Variants in CTNNAL1 observed in about 807,000 individuals in gnomAD.
CTNNAL1 encodes catenin alpha like 1.
In CTNNAL1, 69 loss-of-function variants were observed where a neutral mutation model predicts 93.6. The observed-to-expected ratio is 0.74, with a 90% CI of 0.61 to 0.90. The LOEUF is 0.90. CTNNAL1 is among the 40% of genes least tolerant of loss of function. The pLI is 0.00. For missense variants in CTNNAL1, 836 were observed against 862.0 expected (o/e 0.97, Z 0.38); for synonymous variants, 286 against 305.4 (o/e 0.94, Z 0.66).
chr9:108,975,763 T>C (rs1831250024), intron 8 of CTNNAL1, among the ~76,000 whole-genome samples: 1 of 152,230 alleles, frequency 6.6e-6, no homozygotes, highest in African/African-American at 2.4e-5. Flanking sequence ...ATTGTGACTA[T>C]CCAACTCTGC....
At position 108,972,939 on chromosome 9, in the gene CTNNAL1, A is replaced by T. The variant is rs192085326; in HGVS notation, c.1189-106T>A. 7.6e-4 allele frequency: 983 copies of T among 1,299,912 alleles called. 1 individual carries two copies. Among genetic ancestry groups the T allele is most frequent in the Middle Eastern group, 2.8e-3 (10 of 3,626 alleles). 80.5% of individuals were successfully genotyped at this position (1,299,912 alleles called of 1,614,324 possible). A position where few individuals can be genotyped will look rare whatever the true frequency, so the allele number is the denominator to read the frequency against. ...TTTTGTGACCAAGCACCACATCAGC[A>T]CTTTAAAAACTATTAATAAAGAGAA... On this transcript the variant is annotated intron_variant, in intron 8 of 18. Transcript: ENST00000325551.
chr9:108,944,010 A>T lies in CTNNAL1; in HGVS notation c.1893T>A (p.Ala631=), dbSNP rs752506638. 6 of 1,613,612 alleles carry T rather than the reference A, an allele frequency of 3.7e-6. No homozygotes were observed. The East Asian group carries it at 1.3e-4, about 36-fold the overall frequency. The change falls in exon 16 of 19, where the codon GCT becomes GCA. Residue 631 remains alanine, a synonymous_variant. Coordinates refer to ENST00000325551, the MANE Select transcript of CTNNAL1 (RefSeq NM_003798.4). ...TGGAAGTAAGCTTTAAACCCTCTGC[A>T]GCAAAAACCTGGTAGAAAGAGAAAA... The part of the protein sequence containing the change: ...QDLIHQLEVF[A]AEGLKLTSSV...
At chr9:108,990,669 A>C in intron 4 of CTNNAL1, 57 bp downstream of exon 4, 1 of 1,557,394 alleles carries the variant, frequency 6.4e-7, no homozygotes, top group African/African-American at 1.4e-5. Context: ...TCATACCTCC[A>C]TCCAAACTAA....
At chr9:108,946,179 G>C (rs1209020871) in intron 15 of CTNNAL1, among the ~76,000 whole-genome samples, 1 of 151,682 alleles carries the variant, frequency 6.6e-6, no homozygotes, top group Non-Finnish European at 1.5e-5. Context: ...CACACCTGTA[G>C]TCCCAGCTAC....
At chr9:108,999,905 CA>C (rs1186111328) in intron 1 of CTNNAL1, among the ~76,000 whole-genome samples, 2 of 152,116 alleles carry the variant, frequency 1.3e-5, no homozygotes, top group African/African-American at 4.8e-5. Context: ...CATAATTCTT[CA>C]AAATATCTTA....
chr9:108,994,230 CAA>C (rs570657831), intron 2 of CTNNAL1, among the ~76,000 whole-genome samples: 2 of 113,954 alleles, frequency 1.8e-5, no homozygotes, highest in Non-Finnish European at 3.7e-5. Context: ...GACTTGGTCT[CAA>C]AAAAAAAAAA....
intron 10 of CTNNAL1, among the ~76,000 whole-genome samples, chr9:108,970,147 T>C (rs186361442): frequency 6.6e-6 from 1 of 152,338 alleles, no homozygotes; most frequent in East Asian, 1.9e-4. Flanking sequence ...AAGTGCATTG[T>C]AAACAGCTTC....
chr9:109,002,720 C>T (rs371844495), intron 1 of CTNNAL1, among the ~76,000 whole-genome samples: 8 of 151,940 alleles, frequency 5.3e-5, no homozygotes, highest in African/African-American at 1.2e-4. Flanking sequence ...TGGTGGCTTA[C>T]GCCTATAATC....
chr9:109,008,740 T>C (rs767934937), intron 1 of CTNNAL1, among the ~76,000 whole-genome samples: 12 of 152,176 alleles, frequency 7.9e-5, no homozygotes, highest in Non-Finnish European at 1.5e-4. Flanking sequence ...CAATTTTTAA[T>C]GGCTAATCTT....
rs577277761 is a variant in CTNNAL1, at chr9:108,991,317, C to T, written c.520-472G>A. Among the ~76,000 whole-genome samples the T allele has an allele frequency of 6.6e-5, 10 of 151,942 alleles. No homozygotes were observed. In the East Asian group the frequency reaches 1.6e-3, roughly 24 times the overall value. ...CCTCATCATCTTCAGAGTATAGAGT[C>T]GAAAGGGAAGTGTGGGACTTTAAGG... On this transcript the variant is annotated intron_variant, in intron 3 of 18. Coordinates refer to ENST00000325551, the MANE Select transcript of CTNNAL1 (RefSeq NM_003798.4).
intron 4 of CTNNAL1, among the ~76,000 whole-genome samples, chr9:108,987,867 C>T (rs1202777983): frequency 6.6e-6 from 1 of 152,150 alleles, no homozygotes. Context: ...GTGATTTTTG[C>T]ACATTGATTT....
In CTNNAL1 at chr9:109,013,412, C is replaced by T. The variant is rs1210593346; in HGVS notation, c.31G>A (p.Gly11Ser). 6.7e-7 allele frequency: 1 copy of T among 1,488,746 alleles called. No individual in the cohort carries two copies. The highest frequency in any genetic ancestry group is 1.3e-5 in the South Asian group (1 of 77,998). The allele number at this position is 1,488,746 out of a possible 1,614,324, so 92.2% of individuals were successfully genotyped here. Residue 11 changes from glycine to serine, a missense_variant, in exon 1 of 19, where the codon GGC (glycine) becomes AGC (serine). Coordinates refer to ENST00000325551, the MANE Select transcript of CTNNAL1 (RefSeq NM_003798.4). The stretch of plus-strand genomic sequence containing the variant: ...GAGCCGTAGACTGCTCCGGCGCCGC[C>T]AACGCCGGCGGGTCCGGGAGAGGCG... MAASPGPAGV[G>S]GAGAVYGSGS...
chr9:108,972,864 G>GGGGCGCCCCCCCCCCCCC, intron 8 of CTNNAL1, 31 bp from the exon 9 acceptor site: 1 of 142,582 alleles, frequency 7.0e-6, no homozygotes, highest in Non-Finnish European at 1.0e-5. Flanking sequence ...GGGGGGGTGG[G>GGGGCGCCCCCCCCCCCCC]AGGGTGGAGA....
rs370773885 is a variant in CTNNAL1, at chr9:108,999,264, T to C, written c.142-8A>G. On this transcript the variant is annotated splice_region_variant and splice_polypyrimidine_tract_variant and intron_variant, in intron 1 of 18. Transcript: ENST00000325551. ...ATTAATAAGCGTGGTGATCTAAAAA[T>C]AAAAGATAAAAGCAACTTTTATCTC... 8 of 1,574,550 alleles carry C rather than the reference T, an allele frequency of 5.1e-6. No individual in the cohort carries two copies. The African/African-American group carries it at 6.9e-5, about 14-fold the overall frequency.
intron 14 of CTNNAL1, among the ~76,000 whole-genome samples, chr9:108,948,471 T>C (rs1830467837): frequency 6.6e-6 from 1 of 152,212 alleles, no homozygotes; most frequent in African/African-American, 2.4e-5. Context: ...ATAAAAAATT[T>C]TAAACAAGTA....
chr9:108,970,757 C>A (rs1831090596), intron 9 of CTNNAL1, among the ~76,000 whole-genome samples: 1 of 151,818 alleles, frequency 6.6e-6, no homozygotes, highest in Admixed American at 6.6e-5. Flanking sequence ...AATATTAAAA[C>A]AGAAAGAACC....
At chr9:108,943,840 T>C in intron 16 of CTNNAL1, 24 bp from the exon 17 acceptor site, 4 of 1,609,952 alleles carry the variant, frequency 2.5e-6, no homozygotes, top group Non-Finnish European at 3.4e-6. Context: ...TAACAAGTTA[T>C]AACAGCCCGC....
intron 1 of CTNNAL1, among the ~76,000 whole-genome samples, chr9:109,001,724 G>T (rs1826836168): frequency 6.6e-6 from 1 of 152,186 alleles, no homozygotes; most frequent in Non-Finnish European, 1.5e-5. Context: ...CTTGAGAGCA[G>T]ATTCTCCAGC....
intron 4 of CTNNAL1, among the ~76,000 whole-genome samples, chr9:108,989,724 C>T (rs1436955099): frequency 6.6e-6 from 1 of 152,198 alleles, no homozygotes; most frequent in Non-Finnish European, 1.5e-5. Flanking sequence ...AACTGAGGAG[C>T]TTACTGTCTG....
Sources: gnomAD v4.1 joint callset for allele counts (sites outside exome capture counted in the v4.1 genomes callset) on GRCh38, gnomAD v4.1.1 for gene constraint, MANE v1.5 for transcripts, NCBI Gene and HGNC (gene_info 2026-07-23, HGNC 2026-07-21) for gene names.